KHDRBS2: variants seen among roughly 807,000 people sequenced by gnomAD.
KHDRBS2 encodes KH RNA binding domain containing, signal transduction associated 2, also known as KH domain-containing, RNA-binding, signal transduction-associated protein 2.
Under a neutral mutation model 44.3 loss-of-function variants are expected in KHDRBS2, and 26 were observed. That is an observed-to-expected ratio of 0.59 (90% confidence interval 0.43 to 0.81). KHDRBS2 has a LOEUF of 0.81. Ranked by LOEUF, KHDRBS2 falls within the 40% of genes least tolerant of loss-of-function variation. The pLI is 0.00. For missense variants in KHDRBS2, 476 were observed against 433.1 expected, an observed-to-expected ratio of 1.10 and a Z score of -0.88; for synonymous variants, 194 against 151.1, an observed-to-expected ratio of 1.28 and a Z score of -2.08.
the KHDRBS2 span, among the ~76,000 whole-genome samples, chr6:61,592,581 C>T: frequency 6.6e-6 from 1 of 152,132 alleles, no homozygotes; most frequent in African/African-American, 2.4e-5. Flanking sequence ...CAAATATTTT[C>T]CATAAAAGGC....
intron 3 of KHDRBS2, among the ~76,000 whole-genome samples, chr6:62,033,481 A>G (rs1269330408): frequency 6.6e-6 from 1 of 151,958 alleles, no homozygotes; most frequent in Non-Finnish European, 1.5e-5. Flanking sequence ...AGAAACAAAT[A>G]ACATACAATG....
the KHDRBS2 span, among the ~76,000 whole-genome samples, chr6:61,549,703 T>C: frequency 6.6e-6 from 1 of 152,194 alleles, no homozygotes; most frequent in Non-Finnish European, 1.5e-5. Flanking sequence ...AATATTTTTC[T>C]TGATTTTACA....
chr6:61,598,837 C>CTTTTTT, the KHDRBS2 span, among the ~76,000 whole-genome samples: 68 of 65,444 alleles, frequency 1.0e-3, 1 homozygote, highest in South Asian at 2.5e-3. Context: ...TTTTTCTTTT[C>CTTTTTT]TTTTTTTTTT....
At chr6:62,143,106 T>C (rs996517653) in intron 2 of KHDRBS2, among the ~76,000 whole-genome samples, 4 of 151,828 alleles carry the variant, frequency 2.6e-5, no homozygotes, top group African/African-American at 9.7e-5. Context: ...ATAATTGACT[T>C]ATTCTGGTTT....
chr6:61,992,671 G>A (rs1776359642), intron 3 of KHDRBS2, among the ~76,000 whole-genome samples: 1 of 151,988 alleles, frequency 6.6e-6, no homozygotes, highest in African/African-American at 2.4e-5. Flanking sequence ...AGTTAACTGA[G>A]GCTTTTAAAA....
chr6:61,821,204 A>G (rs1449356652), intron 6 of KHDRBS2, among the ~76,000 whole-genome samples: 1 of 152,000 alleles, frequency 6.6e-6, no homozygotes, highest in East Asian at 1.9e-4. Context: ...AGGTTTTCAA[A>G]ATGTAGCTTG....
the KHDRBS2 span, chr6:61,630,145 A>G: frequency 6.6e-6 from 1 of 152,216 alleles, no homozygotes; most frequent in African/African-American, 2.4e-5. Context: ...AATTATTTTT[A>G]CTATCTTATT....
At chr6:62,211,117 A>G (rs1828971134) in intron 1 of KHDRBS2, among the ~76,000 whole-genome samples, 1 of 152,176 alleles carries the variant, frequency 6.6e-6, no homozygotes, top group African/African-American at 2.4e-5. Context: ...TACACCATAA[A>G]TAAAGCATTT....
chr6:62,244,011 T>A (rs191985106), intron 1 of KHDRBS2, among the ~76,000 whole-genome samples: 2 of 152,140 alleles, frequency 1.3e-5, no homozygotes, highest in African/African-American at 4.8e-5. Context: ...TGTGATAAAT[T>A]CTATGAATCG....
At chr6:61,865,879 A>G (rs889568437) in intron 6 of KHDRBS2, among the ~76,000 whole-genome samples, 2 of 152,184 alleles carry the variant, frequency 1.3e-5, no homozygotes, top group African/African-American at 4.8e-5. Flanking sequence ...CTTTGACTCT[A>G]TGTCTCATAT....
intron 3 of KHDRBS2, among the ~76,000 whole-genome samples, chr6:61,978,559 C>T (rs762147525): frequency 6.6e-6 from 1 of 151,986 alleles, no homozygotes; most frequent in Non-Finnish European, 1.5e-5. Context: ...TTGTTTTGTG[C>T]TTGATGTTCA....
At chr6:61,695,617 C>A (rs1469277917) in intron 8 of KHDRBS2, among the ~76,000 whole-genome samples, 1 of 152,094 alleles carries the variant, frequency 6.6e-6, no homozygotes, top group Non-Finnish European at 1.5e-5. Flanking sequence ...GCCATACTCT[C>A]ACATTGACTT....
the KHDRBS2 span, among the ~76,000 whole-genome samples, chr6:61,669,114 C>A: frequency 5.3e-5 from 8 of 150,962 alleles, no homozygotes; most frequent in African/African-American, 1.4e-4. Flanking sequence ...TATAGACAGG[C>A]ATAATATACA....
chr6:61,925,726 A>T (rs75562102), intron 4 of KHDRBS2, among the ~76,000 whole-genome samples: 21 of 114,344 alleles, frequency 1.8e-4, no homozygotes, highest in Admixed American at 3.3e-4. Context: ...TCTCTCTCTC[A>T]AAAAAAAAAA....
At chr6:62,021,321 G>C (rs139813431) in intron 3 of KHDRBS2, among the ~76,000 whole-genome samples, 84 of 151,964 alleles carry the variant, frequency 5.5e-4, no homozygotes, top group African/African-American at 2.0e-3. Context: ...AGGCTTAATA[G>C]CTGGGTGACA....
At chr6:62,023,580 C>T (rs1782727350) in intron 3 of KHDRBS2, among the ~76,000 whole-genome samples, 1 of 151,006 alleles carries the variant, frequency 6.6e-6, no homozygotes, top group South Asian at 2.1e-4. Flanking sequence ...TTTTTAAATG[C>T]CTAAATGAGT....
At position 62,265,362 on chromosome 6, in the gene KHDRBS2, A is replaced by G. The variant is rs1001738496; in HGVS notation, c.91+20496T>C. Among the ~76,000 whole-genome samples, 9 of 151,948 alleles carry G rather than the reference A, an allele frequency of 5.9e-5. No individual in the cohort carries two copies. In the South Asian group the frequency reaches 8.3e-4, roughly 14 times the overall value. On this transcript the variant is annotated intron_variant, in intron 1 of 8. Transcript: ENST00000281156. ...TACAAACCAAATTTGCTAATTAATT[A>G]GTTTCCACTTTGATAGGCAGAAATA...
At position 61,899,706 on chromosome 6, in the gene KHDRBS2, A is replaced by C. The variant is rs181139171; in HGVS notation, c.611+1538T>G. 2.0e-3 allele frequency among the ~76,000 whole-genome samples: 307 copies of C among 150,030 alleles called. 1 individual carries two copies. The highest frequency in any genetic ancestry group is 8.3e-3 in the South Asian group (39 of 4,706). ...ATTACTATGATGATTTCATAAAATC[A>C]AATGCAGATAAATTCATTGTTTTAA... On this transcript the variant is annotated intron_variant, in intron 5 of 8. Transcript: ENST00000281156.
At chr6:62,222,597 A>G (rs1459572675) in intron 1 of KHDRBS2, among the ~76,000 whole-genome samples, 1 of 152,116 alleles carries the variant, frequency 6.6e-6, no homozygotes, top group Non-Finnish European at 1.5e-5. Flanking sequence ...ATCCAATATG[A>G]GATTTGAATG....
Sources: gnomAD v4.1 joint callset for allele counts (sites outside exome capture counted in the v4.1 genomes callset) on GRCh38, gnomAD v4.1.1 for gene constraint, MANE v1.5 for transcripts, NCBI Gene and HGNC (gene_info 2026-07-23, HGNC 2026-07-21) for gene names.